CCDC80: variants seen among roughly 807,000 people sequenced by gnomAD.
The protein encoded by CCDC80 is coiled-coil domain-containing protein 80.
Under a neutral mutation model 78.7 loss-of-function variants are expected in CCDC80, and 49 were observed. That is an observed-to-expected ratio of 0.62 (90% CI 0.50 to 0.79). The LOEUF (loss-of-function observed/expected upper bound fraction) is 0.79. Ranked by LOEUF, CCDC80 falls within the 30% of genes least tolerant of loss-of-function variation. The probability of loss-of-function intolerance (pLI) is 0.00; values close to 1 mark genes in which losing one functional copy is unlikely to be tolerated. For missense variants in CCDC80, 1,205 were observed against 1,198.6 expected, an observed-to-expected ratio of 1.01 and a Z score of -0.08; for synonymous variants, 488 against 447.0, an observed-to-expected ratio of 1.09 and a Z score of -1.16.
chr3:112,629,004 A>T (rs1009896507), intron 3 of CCDC80, among the ~76,000 whole-genome samples: 7 of 151,974 alleles, frequency 4.6e-5, no homozygotes, highest in African/African-American at 1.7e-4. Flanking sequence ...TTACCACAAT[A>T]AAAAAAATAT....
chr3:112,616,297 C>A (rs1356699498), intron 5 of CCDC80, among the ~76,000 whole-genome samples: 3 of 151,956 alleles, frequency 2.0e-5, no homozygotes, highest in African/African-American at 7.3e-5. Context: ...TGTGCCAAAT[C>A]CTGTTTGGAA....
chr3:112,597,220 T>G lies in CCDC80; in HGVS notation c.*8197A>C, dbSNP rs1051880422. 3.3e-5 allele frequency: 5 copies of G among 152,184 alleles called. No individual in the cohort carries two copies. Among genetic ancestry groups the G allele is most frequent in the Admixed American group, 1.3e-4 (2 of 15,266 alleles). The allele number at this position is 152,184 out of a possible 1,614,324, so 9.4% of individuals were successfully genotyped here. On this transcript the variant is annotated 3_prime_UTR_variant, in exon 8 of 8. Coordinates refer to ENST00000206423, the MANE Select transcript of CCDC80 (RefSeq NM_199511.3). ...TTATGACAGTGTTTTCTGGTCTAAT[T>G]AAACCATAGTCTTCATATACCTTTA... is the stretch of plus-strand genomic sequence containing the variant.
At chr3:112,635,582 T>C (rs1936191609) in intron 2 of CCDC80, among the ~76,000 whole-genome samples, 1 of 152,262 alleles carries the variant, frequency 6.6e-6, no homozygotes, top group Admixed American at 6.5e-5. Context: ...CTATTTCATT[T>C]GGTCTTTTCT....
chr3:112,628,103 T>C (rs1224326653), intron 3 of CCDC80, among the ~76,000 whole-genome samples: 2 of 152,172 alleles, frequency 1.3e-5, no homozygotes, highest in African/African-American at 4.8e-5. Context: ...AACACCTGGT[T>C]TGTGAGGGCT....
At chr3:112,624,871 C>T (rs1262025693) in intron 3 of CCDC80, among the ~76,000 whole-genome samples, 1 of 152,092 alleles carries the variant, frequency 6.6e-6, no homozygotes, top group Non-Finnish European at 1.5e-5. Context: ...ATTTCTAGCC[C>T]TCTCTTCACC....
chr3:112,638,335 A>G lies in CCDC80; in HGVS notation c.1571T>C (p.Leu524Pro), dbSNP rs1273324597. 6.2e-7 allele frequency: 1 copy of G among 1,614,062 alleles called. No homozygotes were observed. Among genetic ancestry groups the G allele is most frequent in the African/African-American group, 1.3e-5 (1 of 75,008 alleles). Residue 524 changes from leucine (L) to proline (P), a missense_variant, in exon 2 of 8, where the codon CTG (leucine) becomes CCG (proline). Physicochemically the swap from Leu to Pro is moderately conservative, Grantham distance 98 (BLOSUM62 -3). Coordinates refer to ENST00000206423, the MANE Select transcript of CCDC80 (RefSeq NM_199511.3). ...RPTASQLEDE[L>P]QVGNVPLKKA... ...TTTAAGGGGAACATTCCCCACCTGC[A>G]GCTCGTCCTCCAGCTGAGAGGCAGT...
At chr3:112,629,792 C>T (rs1936059307) in intron 3 of CCDC80, among the ~76,000 whole-genome samples, 2 of 152,288 alleles carry the variant, frequency 1.3e-5, no homozygotes, top group South Asian at 2.1e-4. Context: ...GGCGAGAAGA[C>T]TCAGTACCCA....
chr3:112,623,757 TGCTCCA>T (rs903752907), intron 3 of CCDC80, among the ~76,000 whole-genome samples: 2 of 152,160 alleles, frequency 1.3e-5, no homozygotes, highest in African/African-American at 4.8e-5. Context: ...CCACATGTTA[TGCTCCA>T]GCCCCCTATT....
At position 112,627,999 on chromosome 3, in the gene CCDC80, A is replaced by T. The variant is rs548627646; in HGVS notation, c.2035+2114T>A. Among the ~76,000 whole-genome samples, 7 of 152,272 alleles carry T rather than the reference A, an allele frequency of 4.6e-5. No homozygotes were observed. In the South Asian group the frequency reaches 8.3e-4, roughly 18 times the overall value. ...TTATAATGGGACCATATAGAAGTTG[A>T]GGTGGAAGATGTAATGATTTTTCCA... On this transcript the variant is annotated intron_variant, in intron 3 of 7. Transcript: ENST00000206423.
chr3:112,639,777 C>G lies in CCDC80; in HGVS notation c.129G>C (p.Pro43=). 2 of 1,614,116 alleles carry G rather than the reference C, an allele frequency of 1.2e-6. No homozygotes were observed. Among genetic ancestry groups the G allele is most frequent in the Non-Finnish European group, 1.7e-6 (2 of 1,180,030 alleles). Residue 43 remains proline, a synonymous_variant, in exon 2 of 8, where the codon CCG becomes CCC. Coordinates refer to ENST00000206423, the MANE Select transcript of CCDC80 (RefSeq NM_199511.3). ...HGGRKVPLVS[P]DSSRPARFLR... is the part of the protein sequence containing the mutation. Reference sequence around the variant, plus strand: ...GAAACCGAGCTGGCCTACTGCTGTCCGGAGAAACCAAAGGCACTTTCCGTC... The same window carrying G: ...GAAACCGAGCTGGCCTACTGCTGTCGGGAGAAACCAAAGGCACTTTCCGTC...
chr3:112,630,306 A>G (rs758725706), intron 2 of CCDC80, 37 bp from the exon 3 acceptor site: 1 of 1,605,482 alleles, frequency 6.2e-7, no homozygotes, highest in Non-Finnish European at 8.5e-7. Flanking sequence ...ACTCATTTAT[A>G]GTGATAGTTT....
intron 3 of CCDC80, among the ~76,000 whole-genome samples, chr3:112,628,399 C>T (rs920712772): frequency 6.6e-6 from 1 of 152,016 alleles, no homozygotes; most frequent in Admixed American, 6.6e-5. Context: ...AAGTATTTTG[C>T]CATTATAGGT....
chr3:112,624,957 A>C (rs558040156), intron 3 of CCDC80, among the ~76,000 whole-genome samples: 4 of 152,318 alleles, frequency 2.6e-5, no homozygotes, highest in African/African-American at 4.8e-5. Context: ...ACATTTTAAA[A>C]TATAGATTCC....
intron 6 of CCDC80, among the ~76,000 whole-genome samples, chr3:112,608,769 C>T (rs769113839): frequency 2.7e-4 from 41 of 151,998 alleles, no homozygotes; most frequent in South Asian, 6.2e-4. Context: ...AATTATTAAC[C>T]TTGATAATAG....
At position 112,638,614 on chromosome 3, in the gene CCDC80, CTGGTT is replaced by C; in HGVS notation, c.1287_1291del (p.Thr430GlufsTer72). The C allele has an allele frequency of 6.2e-7, 1 of 1,613,970 alleles. No individual in the cohort carries two copies. Among genetic ancestry groups the C allele is most frequent in the Non-Finnish European group, 8.5e-7 (1 of 1,180,018 alleles). On this transcript the variant is annotated frameshift_variant, in exon 2 of 8. Transcript: ENST00000206423. LOFTEE classifies it high-confidence loss of function. ...CAAGCTGGTGGCCTTGCTGGGCCTC[CTGGTT>C]GTCTGTGGCCTCTCCCTGTGCTGAT...
rs1434974279 is a variant in CCDC80 at position 112,599,769 on chromosome 3, T to TC, written c.*5647dup. 1 of 152,212 alleles carries TC rather than the reference T, an allele frequency of 6.6e-6. No homozygotes were observed. The highest frequency in any genetic ancestry group is 2.4e-5 in the African/African-American group (1 of 41,450). 9.4% of individuals were successfully genotyped at this position (152,212 alleles called of 1,614,324 possible). A position where few individuals can be genotyped will look rare whatever the true frequency, so the allele number is the denominator to read the frequency against. ...GCTGGGTTGCACCCACTCCCCTGTGTCTGGACCTCCTGCCTATGTAGCAGA... is the reference window on the plus strand; with the variant it reads ...GCTGGGTTGCACCCACTCCCCTGTGTCCTGGACCTCCTGCCTATGTAGCAGA... On this transcript the variant is annotated 3_prime_UTR_variant, in exon 8 of 8. Coordinates refer to ENST00000206423, the MANE Select transcript of CCDC80 (RefSeq NM_199511.3).
chr3:112,605,145 TAAGAA>T lies in CCDC80; in HGVS notation c.*267_*271del, dbSNP rs1276280450. On this transcript the variant is annotated 3_prime_UTR_variant, in exon 8 of 8. Coordinates refer to ENST00000206423, the MANE Select transcript of CCDC80 (RefSeq NM_199511.3). ...TATATGCCAAATAAGGTCCTTCATA[TAAGAA>T]AAGGAAAATAATATCAATTTTCAGT... is the stretch of plus-strand genomic sequence containing the variant. 32 of 297,220 alleles carry T rather than the reference TAAGAA, an allele frequency of 1.1e-4. No homozygotes were observed. The highest frequency in any genetic ancestry group is 9.3e-4 in the Middle Eastern group (1 of 1,076). The allele number at this position is 297,220 out of a possible 1,614,324, so 18.4% of individuals were successfully genotyped here.
chr3:112,605,280 T>A lies in CCDC80; in HGVS notation c.*137A>T, dbSNP rs1348690074. 1 of 587,898 alleles carries A rather than the reference T, an allele frequency of 1.7e-6. No individual in the cohort carries two copies. Among genetic ancestry groups the A allele is most frequent in the African/African-American group, 1.9e-5 (1 of 53,758 alleles). 36.4% of individuals were successfully genotyped at this position (587,898 alleles called of 1,614,324 possible). ...AACTCATGAATAGGTGAAAGTTTGCTATTTATTTAGTCTTAGAAAAACACT... is the reference window on the plus strand; with the variant it reads ...AACTCATGAATAGGTGAAAGTTTGCAATTTATTTAGTCTTAGAAAAACACT... On this transcript the variant is annotated 3_prime_UTR_variant, in exon 8 of 8. Transcript: ENST00000206423.
intron 5 of CCDC80, among the ~76,000 whole-genome samples, chr3:112,610,629 T>C (rs1163466403): frequency 6.6e-6 from 1 of 152,190 alleles, no homozygotes; most frequent in Non-Finnish European, 1.5e-5. Context: ...CGAAACCCTA[T>C]GTACCTTCCT....
Sources: gnomAD v4.1 joint callset for allele counts (sites outside exome capture counted in the v4.1 genomes callset) on GRCh38, gnomAD v4.1.1 for gene constraint, MANE v1.5 for transcripts, NCBI Gene and HGNC (gene_info 2026-07-23, HGNC 2026-07-21) for gene names.